Variants in GALNT10 observed in about 807,000 individuals in gnomAD.
GALNT10 encodes polypeptide N-acetylgalactosaminyltransferase 10.
A neutral mutation model predicts 75.0 loss-of-function variants in GALNT10; 41 were observed. That is an observed-to-expected ratio of 0.55 (90% CI 0.43 to 0.71). GALNT10 has a LOEUF of 0.71. GALNT10 is among the 30% of genes least tolerant of loss of function. The probability of loss-of-function intolerance (pLI) is 0.00; values close to 1 mark genes in which losing one functional copy is unlikely to be tolerated. For missense variants in GALNT10, 727 were observed against 818.5 expected, an observed-to-expected ratio of 0.89 and a Z score of 1.36; for synonymous variants, 302 against 313.0, an observed-to-expected ratio of 0.96 and a Z score of 0.37.
chr5:154,322,175 AG>A (rs997426010), intron 3 of GALNT10, among the ~76,000 whole-genome samples: 47 of 152,112 alleles, frequency 3.1e-4, no homozygotes, highest in South Asian at 6.2e-4. Context: ...TGTCAGTGGC[AG>A]GGTTACCTTC....
chr5:154,337,183 A>G (rs1754957406), intron 4 of GALNT10, among the ~76,000 whole-genome samples: 1 of 152,206 alleles, frequency 6.6e-6, no homozygotes, highest in Non-Finnish European at 1.5e-5. Context: ...AGCAATCAAC[A>G]GCATGGGTGC....
Position 154,364,332 on chromosome 5 carries a change from G to A in GALNT10, c.569-11945G>A, listed in dbSNP as rs963505450. ...ATCAGTAGACCTGTGCTGTAGCACCGGTAGTGTGAATGAGATGAGAGGTGA... is the reference window on the plus strand; with the variant it reads ...ATCAGTAGACCTGTGCTGTAGCACCAGTAGTGTGAATGAGATGAGAGGTGA... On this transcript the variant is annotated intron_variant, in intron 4 of 11. Transcript: ENST00000297107. Among the ~76,000 whole-genome samples, 7 of 152,302 alleles carry A rather than the reference G, an allele frequency of 4.6e-5. No individual in the cohort carries two copies. In the South Asian group the frequency reaches 6.2e-4, roughly 14 times the overall value.
intron 1 of GALNT10, among the ~76,000 whole-genome samples, chr5:154,259,439 G>A (rs1202593151): frequency 1.3e-5 from 2 of 152,142 alleles, no homozygotes; most frequent in Non-Finnish European, 2.9e-5. Flanking sequence ...GTCTGCCAGC[G>A]TAAAGTTACC....
chr5:154,258,880 A>G (rs1158969631), intron 1 of GALNT10, among the ~76,000 whole-genome samples: 2 of 152,166 alleles, frequency 1.3e-5, no homozygotes, highest in Non-Finnish European at 2.9e-5. Flanking sequence ...AATGGTGATT[A>G]AAGTGTTTTT....
Position 154,294,976 on chromosome 5 carries a change from TTGTGTGTGTG to T in GALNT10, c.262+82_262+91del, listed in dbSNP as rs70978534. On this transcript the variant is annotated intron_variant, in intron 2 of 11. Coordinates refer to ENST00000297107, the MANE Select transcript of GALNT10 (RefSeq NM_198321.4). ...CTGTGAAGGGCATATGCACATATGC[TTGTGTGTGTG>T]TGTGTGTGTGTGTGTGTGTGTGTTC... 3.5e-3 allele frequency: 2,135 copies of T among 610,200 alleles called. 22 individuals carry two copies. The highest frequency in any genetic ancestry group is 0.026 in the African/African-American group (1,364 of 52,266). The allele number at this position is 610,200 out of a possible 1,614,324, so 37.8% of individuals were successfully genotyped here.
chr5:154,318,616 T>A (rs917564467), intron 3 of GALNT10, among the ~76,000 whole-genome samples: 2 of 152,270 alleles, frequency 1.3e-5, no homozygotes, highest in African/African-American at 4.8e-5. Flanking sequence ...TTAATGCATA[T>A]TAAGTGCCTA....
In GALNT10 at chr5:154,283,278, T is replaced by TAAAAA. The variant is rs59422213; in HGVS notation, c.160-11520_160-11516dup. Among the ~76,000 whole-genome samples, 352 of 79,484 alleles carry TAAAAA rather than the reference T, an allele frequency of 4.4e-3. 3 individuals carry two copies. The highest frequency in any genetic ancestry group is 8.6e-3 in the Middle Eastern group (1 of 116). 52.1% of individuals were successfully genotyped at this position (79,484 alleles called of 152,430 possible). On this transcript the variant is annotated intron_variant, in intron 1 of 11. Transcript: ENST00000297107. ...GGGCAACATAATAAGACCTCGTCTG[T>TAAAAA]AAAAAAAAAAAAAAAAAAAAAAGCC...
rs1756517385 is a variant in GALNT10, at chr5:154,416,627, C to T, written c.1654-187C>T. 6.6e-6 allele frequency among the ~76,000 whole-genome samples: 1 copy of T among 152,156 alleles called. No individual in the cohort carries two copies. ...TCCCAGCGGGCAGAACCCAGTCCCA[C>T]GGCAATACCAGCTGCAAGGGAGGCT... is the stretch of plus-strand genomic sequence containing the variant. On this transcript the variant is annotated intron_variant, in intron 11 of 11. Transcript: ENST00000297107. This position sits in a 1 kb window ranked among gnomAD's most constrained non-coding sequence, Gnocchi z 4.5.
At chr5:154,303,552 T>C (rs1468417272) in intron 3 of GALNT10, among the ~76,000 whole-genome samples, 1 of 152,102 alleles carries the variant, frequency 6.6e-6, no homozygotes, top group Non-Finnish European at 1.5e-5. Flanking sequence ...CAAAAATAGT[T>C]CCTCTTCCCA....
intron 3 of GALNT10, among the ~76,000 whole-genome samples, chr5:154,300,874 G>A (rs533223043): frequency 2.0e-5 from 3 of 152,172 alleles, no homozygotes; most frequent in Non-Finnish European, 2.9e-5. Context: ...TTCCGGAGGG[G>A]TGCTATCTAC....
Position 154,329,121 on chromosome 5 carries a change from C to A in GALNT10, c.402-451C>A, listed in dbSNP as rs147741711. ...AACACCAAGAGATTTAGGAGCTCTGCATCAAGAACTGGGGTCAAAGACGAA... is the reference window on the plus strand; with the variant it reads ...AACACCAAGAGATTTAGGAGCTCTGAATCAAGAACTGGGGTCAAAGACGAA... On this transcript the variant is annotated intron_variant, in intron 3 of 11. Transcript: ENST00000297107. Among the ~76,000 whole-genome samples, 484 of 152,248 alleles carry A rather than the reference C, an allele frequency of 3.2e-3. 3 individuals are homozygous for A. Among genetic ancestry groups the A allele is most frequent in the African/African-American group, 0.011 (472 of 41,534 alleles).
intron 3 of GALNT10, among the ~76,000 whole-genome samples, chr5:154,308,746 T>G (rs1754469668): frequency 6.6e-6 from 1 of 152,202 alleles, no homozygotes; most frequent in South Asian, 2.1e-4. Flanking sequence ...CAGCCCTTAC[T>G]CAGGCTTATT....
At chr5:154,344,499 T>C (rs536318151) in intron 4 of GALNT10, among the ~76,000 whole-genome samples, 6 of 152,140 alleles carry the variant, frequency 3.9e-5, no homozygotes, top group South Asian at 4.1e-4. Context: ...CATGAGCCAC[T>C]GCGCCTGGCC....
At chr5:154,208,355 C>T (rs997722713) in intron 1 of GALNT10, among the ~76,000 whole-genome samples, 3 of 152,130 alleles carry the variant, frequency 2.0e-5, no homozygotes, top group South Asian at 2.1e-4. Flanking sequence ...GCTTCCTGGC[C>T]GCCACCTCTA....
chr5:154,267,999 A>T (rs1302745396), intron 1 of GALNT10, among the ~76,000 whole-genome samples: 1 of 152,254 alleles, frequency 6.6e-6, no homozygotes, highest in African/African-American at 2.4e-5. Flanking sequence ...AGCAAATTTT[A>T]TAGGCAGCTT....
chr5:154,193,189 G>A (rs936752675), intron 1 of GALNT10, among the ~76,000 whole-genome samples: 3 of 152,176 alleles, frequency 2.0e-5, no homozygotes, highest in African/African-American at 7.2e-5. Context: ...GATTATTCTT[G>A]CTTTAAAGAA....
chr5:154,209,885 C>T (rs1775168393), intron 1 of GALNT10, among the ~76,000 whole-genome samples: 1 of 139,146 alleles, frequency 7.2e-6, no homozygotes, highest in African/African-American at 2.5e-5. Flanking sequence ...TACAGTGCTC[C>T]CCATAATCAA....
chr5:154,332,845 C>T (rs1754887747), intron 4 of GALNT10, among the ~76,000 whole-genome samples: 1 of 152,164 alleles, frequency 6.6e-6, no homozygotes. Context: ...TCTGAAGCAC[C>T]AGCTGCCCTG....
rs967978464 is a variant in GALNT10, at chr5:154,361,678, C to T, written c.569-14599C>T. 2.0e-5 allele frequency among the ~76,000 whole-genome samples: 3 copies of T among 152,318 alleles called. No individual in the cohort carries two copies. In the East Asian group the frequency reaches 5.8e-4, roughly 29 times the overall value. ...TTTTCTGCTAAAAGAACGTGAAAGCCTTAACAGACCATAGGTATTAAAAGA... is the reference window on the plus strand; with the variant it reads ...TTTTCTGCTAAAAGAACGTGAAAGCTTTAACAGACCATAGGTATTAAAAGA... On this transcript the variant is annotated intron_variant, in intron 4 of 11. Transcript: ENST00000297107.
Sources: gnomAD v4.1 joint callset for allele counts (sites outside exome capture counted in the v4.1 genomes callset) on GRCh38, gnomAD v4.1.1 for gene constraint, Gnocchi (gnomAD v3.1) non-coding constraint, MANE v1.5 for transcripts, NCBI Gene and HGNC (gene_info 2026-07-23, HGNC 2026-07-21) for gene names.